The following DPH6 variants were observed in gnomAD, a reference collection of about 807,000 sequenced individuals.
DPH6 encodes diphthine--ammonia ligase.
Under a neutral mutation model 38.2 loss-of-function variants are expected in DPH6, and 33 were observed. That is an observed-to-expected ratio of 0.86 (90% CI 0.65 to 1.15). The LOEUF (loss-of-function observed/expected upper bound fraction) is 1.15, where lower values mean the gene tolerates loss of function less well. Among genes scored for constraint, DPH6 ranks in the 50% most tolerant of loss-of-function variants. The pLI, the probability that DPH6 is intolerant of heterozygous loss-of-function variation, is 0.00. For synonymous variants in DPH6, 108 were observed against 103.0 expected (o/e 1.05, Z -0.30); for missense variants, 325 against 320.0 (o/e 1.02, Z -0.12).
At chr15:35,429,470 T>G (rs2053606887) in intron 5 of DPH6, among the ~76,000 whole-genome samples, 1 of 149,456 alleles carries the variant, frequency 6.7e-6, no homozygotes, top group Admixed American at 6.7e-5. Flanking sequence ...ACTTGCAAAT[T>G]TCATCAGCAT....
chr15:35,413,956 C>T (rs1219641737), intron 5 of DPH6, among the ~76,000 whole-genome samples: 2 of 151,612 alleles, frequency 1.3e-5, no homozygotes, highest in African/African-American at 2.4e-5. Flanking sequence ...ACATTCAAAA[C>T]CATATTTTTA....
chr15:35,233,905 C>T (rs1015848854), intron 3 of DPH6, among the ~76,000 whole-genome samples: 1 of 152,208 alleles, frequency 6.6e-6, no homozygotes, highest in African/African-American at 2.4e-5. Flanking sequence ...CATCACCTTT[C>T]AGATAAATGC....
chr15:35,425,694 T>G (rs1266415702), intron 5 of DPH6, among the ~76,000 whole-genome samples: 1 of 149,474 alleles, frequency 6.7e-6, no homozygotes. Context: ...TGTGTATGGG[T>G]GTGTGTGTGT....
chr15:35,344,659 T>C (rs2052447519), intron 3 of DPH6, among the ~76,000 whole-genome samples: 2 of 151,830 alleles, frequency 1.3e-5, no homozygotes, highest in African/African-American at 4.8e-5. Flanking sequence ...TCCATGTTTG[T>C]GGACCACGGT....
chr15:35,407,443 T>G (rs1056934347), intron 6 of DPH6, among the ~76,000 whole-genome samples: 1 of 151,790 alleles, frequency 6.6e-6, no homozygotes, highest in Non-Finnish European at 1.5e-5. Flanking sequence ...GATGAATGAA[T>G]AGATGGAGAG....
At chr15:35,262,446 C>T (rs1054258810) in intron 3 of DPH6, among the ~76,000 whole-genome samples, 15 of 152,082 alleles carry the variant, frequency 9.9e-5, no homozygotes, top group Non-Finnish European at 2.1e-4. Context: ...GTGGCTCACG[C>T]CTGTAATCCC....
intron 6 of DPH6, among the ~76,000 whole-genome samples, chr15:35,386,827 C>T (rs1266321184): frequency 6.6e-6 from 1 of 152,164 alleles, no homozygotes; most frequent in African/African-American, 2.4e-5. Context: ...TTTTGCTGTG[C>T]AGAAGCTCTT....
intron 3 of DPH6, among the ~76,000 whole-genome samples, chr15:35,483,885 T>C (rs1177677124): frequency 6.6e-6 from 1 of 152,156 alleles, no homozygotes; most frequent in Non-Finnish European, 1.5e-5. Context: ...GTGTACAACG[T>C]GAATGAACCT....
At chr15:35,467,082 C>G (rs1323704498) in intron 3 of DPH6, among the ~76,000 whole-genome samples, 1 of 151,992 alleles carries the variant, frequency 6.6e-6, no homozygotes, top group Non-Finnish European at 1.5e-5. Context: ...ATAAATTAAA[C>G]TTAGCTTACT....
At chr15:35,435,433 C>G (rs554139153) in intron 5 of DPH6, among the ~76,000 whole-genome samples, 29 of 152,288 alleles carry the variant, frequency 1.9e-4, no homozygotes, top group African/African-American at 7.0e-4. Context: ...GGAACCTGCA[C>G]AGGGTTTTGC....
At chr15:35,167,063 C>G in the DPH6 span, among the ~76,000 whole-genome samples, 1 of 151,932 alleles carries the variant, frequency 6.6e-6, no homozygotes, top group Non-Finnish European at 1.5e-5. Context: ...CACTATATAC[C>G]CAGATTAGGG....
At chr15:35,542,684 T>C (rs1216610944) in intron 1 of DPH6, among the ~76,000 whole-genome samples, 177 bp from the exon 2 acceptor site, 1 of 150,980 alleles carries the variant, frequency 6.6e-6, no homozygotes, top group Non-Finnish European at 1.5e-5. Context: ...AATCTGAATG[T>C]CTAGGGCTGC....
intron 3 of DPH6, among the ~76,000 whole-genome samples, chr15:35,361,305 T>C (rs1262631001): frequency 6.6e-6 from 1 of 152,196 alleles, no homozygotes; most frequent in Non-Finnish European, 1.5e-5. Flanking sequence ...GCCAAGTTAT[T>C]GTTAATATTG....
chr15:35,171,142 C>CCA, the DPH6 span, among the ~76,000 whole-genome samples: 1 of 152,320 alleles, frequency 6.6e-6, no homozygotes, highest in South Asian at 2.1e-4. Flanking sequence ...GAACTGGATG[C>CCA]CACAGCTTCA....
intron 3 of DPH6, among the ~76,000 whole-genome samples, chr15:35,252,014 C>T (rs372513634): frequency 1.3e-5 from 2 of 152,142 alleles, no homozygotes; most frequent in African/African-American, 4.8e-5. Context: ...TAGTGGGGGG[C>T]CTGTAATCCC....
At chr15:35,530,744 A>G (rs1464847165) in intron 3 of DPH6, among the ~76,000 whole-genome samples, 2 of 152,236 alleles carry the variant, frequency 1.3e-5, no homozygotes, top group African/African-American at 4.8e-5. Flanking sequence ...ATTGACAAAT[A>G]TGGTACAACA....
rs528905536 is a variant in DPH6 at position 35,238,304 on chromosome 15, T to A, written n.201-17722A>T. The A allele has an allele frequency of 3.7e-5, 12 of 324,086 alleles. No individual in the cohort carries two copies. The South Asian group carries it at 4.1e-4, about 11-fold the overall frequency. The allele number at this position is 324,086 out of a possible 1,614,324, so 20.1% of individuals were successfully genotyped here. ...AATGACCATTAAGCAGTAAATGAAG[T>A]CTTGCTGTCAGGAACAGTATGGCAA... On this transcript the variant is annotated intron_variant and non_coding_transcript_variant, in intron 3 of 3. Transcript: ENST00000560386.
chr15:35,265,345 A>G (rs2051776561), intron 3 of DPH6, among the ~76,000 whole-genome samples: 1 of 152,202 alleles, frequency 6.6e-6, no homozygotes, highest in Non-Finnish European at 1.5e-5. Flanking sequence ...TAACCCCTAA[A>G]TTACATTTTT....
chr15:35,201,676 TCAGGATATTA>T, the DPH6 span, among the ~76,000 whole-genome samples: 1 of 151,848 alleles, frequency 6.6e-6, no homozygotes, highest in Non-Finnish European at 1.5e-5. Context: ...CAATTCTTAT[TCAGGATATTA>T]CCGGATATTT....
Sources: allele counts gnomAD v4.1 joint callset (sites outside exome capture counted in the v4.1 genomes callset), GRCh38; gene constraint gnomAD v4.1.1; transcripts MANE v1.5; gene names NCBI Gene and HGNC (gene_info 2026-07-23, HGNC 2026-07-21).